The following TXNDC16 variants were observed in gnomAD, a reference collection of about 807,000 sequenced individuals.
TXNDC16 encodes thioredoxin domain-containing protein 16.
TXNDC16 carries 74 observed loss-of-function variants against 85.6 expected under a neutral mutation model. The ratio of observed to expected loss-of-function variants is 0.86; its 90% confidence interval spans 0.72 to 1.05. The LOEUF (loss-of-function observed/expected upper bound fraction) is 1.05, where lower values mean the gene tolerates loss of function less well. Among genes scored for constraint, TXNDC16 ranks in the 50% least tolerant of loss-of-function variants. TXNDC16 has a pLI of 0.00. For missense variants in TXNDC16, 959 were observed against 947.0 expected, an observed-to-expected ratio of 1.01 and a Z score of -0.17; for synonymous variants, 335 against 326.5, an observed-to-expected ratio of 1.03 and a Z score of -0.28.
At chr14:52,529,733 T>C (rs1389846717) in intron 6 of TXNDC16, among the ~76,000 whole-genome samples, 1 of 118,778 alleles carries the variant, frequency 8.4e-6, no homozygotes, top group African/African-American at 3.4e-5. Context: ...ATATTATATA[T>C]AATGCCTATT....
In TXNDC16 at chr14:52,430,616, T is replaced by C. The variant is rs2034869362; in HGVS notation, c.*1688A>G. 1 of 152,150 alleles carries C rather than the reference T, an allele frequency of 6.6e-6. No individual in the cohort carries two copies. Among genetic ancestry groups the C allele is most frequent in the Admixed American group, 6.5e-5 (1 of 15,284 alleles). The allele number at this position is 152,150 out of a possible 1,614,324, so 9.4% of individuals were successfully genotyped here. A position where few individuals can be genotyped will look rare whatever the true frequency, so the allele number is the denominator to read the frequency against. On this transcript the variant is annotated 3_prime_UTR_variant, in exon 21 of 21. Coordinates refer to ENST00000281741, the MANE Select transcript of TXNDC16 (RefSeq NM_020784.3). The stretch of plus-strand genomic sequence containing the variant: ...GAAGGTATTCTGAAACCCAGACACT[T>C]TATTTAAAATTATGACAAACATTAA...
chr14:52,506,527 CTT>C (rs765293725), intron 9 of TXNDC16, among the ~76,000 whole-genome samples: 190 of 97,516 alleles, frequency 1.9e-3, no homozygotes, highest in African/African-American at 6.9e-3. Flanking sequence ...TTCAACAACC[CTT>C]TTTTTTTTTT....
intron 9 of TXNDC16, among the ~76,000 whole-genome samples, chr14:52,509,472 A>G (rs1196748540): frequency 7.0e-6 from 1 of 141,996 alleles, no homozygotes; most frequent in Admixed American, 7.1e-5. Context: ...GAAAGGAACG[A>G]AAGACCTTTA....
chr14:52,475,006 G>A (rs2035988558), intron 14 of TXNDC16, among the ~76,000 whole-genome samples: 1 of 152,174 alleles, frequency 6.6e-6, no homozygotes, highest in South Asian at 2.1e-4. Context: ...TGTGGAAGTG[G>A]GAAAGGCAGA....
At chr14:52,449,557 G>T (rs187107199) in intron 18 of TXNDC16, among the ~76,000 whole-genome samples, 1 of 151,930 alleles carries the variant, frequency 6.6e-6, no homozygotes, top group African/African-American at 2.4e-5. Context: ...CAGGAAATCC[G>T]CAAAGAAACC....
rs1241541511 is a variant in TXNDC16, at chr14:52,536,747, C to T, written c.364G>A (p.Val122Met). ...REFPTDTLFDVNAIVAHVLFA... is the reference protein window; with the variant it reads ...REFPTDTLFDMNAIVAHVLFA... Reference sequence around the variant, plus strand: ...AGAACATGGGCGACAATGGCATTCACATCAAACAAGGTGTCAGTAGGGAAT... The same window carrying T: ...AGAACATGGGCGACAATGGCATTCATATCAAACAAGGTGTCAGTAGGGAAT... The change falls in exon 6 of 21, where the codon GTG becomes ATG. Residue 122 changes from valine (V) to methionine (M), a missense_variant. By Grantham distance (21) the Val-to-Met change is conservative. Coordinates refer to ENST00000281741, the MANE Select transcript of TXNDC16 (RefSeq NM_020784.3). 3.1e-6 allele frequency: 5 copies of T among 1,611,856 alleles called. No individual in the cohort carries two copies. The Middle Eastern group carries it at 5.0e-4, about 160-fold the overall frequency.
chr14:52,495,845 C>T (rs1300391515), intron 9 of TXNDC16, among the ~76,000 whole-genome samples: 1 of 152,140 alleles, frequency 6.6e-6, no homozygotes, highest in Non-Finnish European at 1.5e-5. Context: ...CTATTCCTCT[C>T]AATCTGAAGA....
chr14:52,459,418 G>C (rs1234228440), intron 16 of TXNDC16, among the ~76,000 whole-genome samples: 6 of 152,128 alleles, frequency 3.9e-5, no homozygotes, highest in Admixed American at 1.3e-4. Flanking sequence ...TTCTGAACTT[G>C]AATCAGTAAT....
chr14:52,518,709 A>T (rs1011488036), intron 7 of TXNDC16, among the ~76,000 whole-genome samples: 1 of 152,152 alleles, frequency 6.6e-6, no homozygotes, highest in Non-Finnish European at 1.5e-5. Context: ...TGAATACTGG[A>T]AACTACTATA....
Position 52,440,599 on chromosome 14 carries a change from T to C in TXNDC16, c.1968A>G (p.Lys656=), listed in dbSNP as rs1483694398. The C allele has an allele frequency of 6.2e-7, 1 of 1,607,744 alleles. No individual in the cohort carries two copies. Among genetic ancestry groups the C allele is most frequent in the Admixed American group, 1.7e-5 (1 of 58,676 alleles). ...KKAILTLVKQ[K]YLDSFTPCWL... ...AGCATGGAGTAAATGAATCCAAGTA[T>C]TTCTGCTTTACCAGTGTCAATATTG... The change falls in exon 19 of 21, where the codon AAA becomes AAG. Residue 656 remains lysine, a synonymous_variant. Coordinates refer to ENST00000281741, the MANE Select transcript of TXNDC16 (RefSeq NM_020784.3).
intron 18 of TXNDC16, among the ~76,000 whole-genome samples, chr14:52,441,522 T>A (rs1398184828): frequency 1.3e-5 from 2 of 151,324 alleles, no homozygotes; most frequent in Non-Finnish European, 2.9e-5. Flanking sequence ...GGCAAGACAA[T>A]CGCTTGAACC....
chr14:52,472,647 T>C (rs1323342160), intron 14 of TXNDC16, among the ~76,000 whole-genome samples: 1 of 152,232 alleles, frequency 6.6e-6, no homozygotes, highest in African/African-American at 2.4e-5. Context: ...GAATTTTGTA[T>C]GAGCATATAA....
intron 18 of TXNDC16, among the ~76,000 whole-genome samples, chr14:52,451,712 T>C (rs2035416612): frequency 6.6e-6 from 1 of 152,092 alleles, no homozygotes; most frequent in Admixed American, 6.5e-5. Context: ...AACAAAGCCA[T>C]ATATGCCATA....
Position 52,470,508 on chromosome 14 carries a change from T to C in TXNDC16, c.1481+4A>G, listed in dbSNP as rs780024903. 6.2e-7 allele frequency: 1 copy of C among 1,611,298 alleles called. No homozygotes were observed. The highest frequency in any genetic ancestry group is 8.5e-7 in the Non-Finnish European group (1 of 1,178,932). Reference sequence around the variant, plus strand: ...GAGATCTTATAATGAAGCTGAATACTTACAGCTGGATAAATTTTAGGAGAT... The same window carrying C: ...GAGATCTTATAATGAAGCTGAATACCTACAGCTGGATAAATTTTAGGAGAT... On this transcript the variant is annotated splice_donor_region_variant and intron_variant, in intron 15 of 20. Coordinates refer to ENST00000281741, the MANE Select transcript of TXNDC16 (RefSeq NM_020784.3).
intron 8 of TXNDC16, among the ~76,000 whole-genome samples, chr14:52,511,610 T>C (rs1418110429): frequency 6.6e-6 from 1 of 152,120 alleles, no homozygotes; most frequent in Non-Finnish European, 1.5e-5. Flanking sequence ...ACACGAGTTG[T>C]ATAAACAATT....
chr14:52,538,446 A>G (rs1318669861), intron 4 of TXNDC16, among the ~76,000 whole-genome samples: 1 of 152,232 alleles, frequency 6.6e-6, no homozygotes, highest in Non-Finnish European at 1.5e-5. Flanking sequence ...CAACATGAAG[A>G]TAAACAGAAA....
At chr14:52,493,546 A>G (rs1019583376) in intron 9 of TXNDC16, among the ~76,000 whole-genome samples, 3 of 152,154 alleles carry the variant, frequency 2.0e-5, no homozygotes, top group Non-Finnish European at 4.4e-5. Context: ...TGGAAGATAG[A>G]GAAAAAAGGT....
intron 11 of TXNDC16, 63 bp from the exon 12 acceptor site, chr14:52,488,549 A>C: frequency 7.1e-7 from 1 of 1,402,042 alleles, no homozygotes; most frequent in Non-Finnish European, 9.6e-7. Context: ...AAAATGTTTT[A>C]CTTGGGCCAG....
chr14:52,528,776 A>G (rs1227354435), intron 6 of TXNDC16, among the ~76,000 whole-genome samples: 1 of 149,048 alleles, frequency 6.7e-6, no homozygotes, highest in East Asian at 1.9e-4. Context: ...CAAAAGACAC[A>G]AAATTAGTAT....
Sources: allele counts gnomAD v4.1 joint callset (sites outside exome capture counted in the v4.1 genomes callset), GRCh38; gene constraint gnomAD v4.1.1; transcripts MANE v1.5; gene names NCBI Gene and HGNC (gene_info 2026-07-23, HGNC 2026-07-21).